SPMIP2: variants seen among roughly 807,000 people sequenced by gnomAD.
SPMIP2 encodes sperm microtubule inner protein 2.
chr4:159,068,887 G>T, the SPMIP2 span, among the ~76,000 whole-genome samples: 1 of 152,134 alleles, frequency 6.6e-6, no homozygotes, highest in East Asian at 1.9e-4. Flanking sequence ...TCTTCCACTT[G>T]AAGTAAAGTA....
the SPMIP2 span, among the ~76,000 whole-genome samples, chr4:159,029,838 C>T: frequency 0.18 from 27,563 of 152,020 alleles, 2,857 homozygotes; most frequent in African/African-American, 0.29. Flanking sequence ...TTTTTGTATC[C>T]TCCAATGCTA....
the SPMIP2 span, among the ~76,000 whole-genome samples, chr4:159,047,433 A>G: frequency 3.3e-5 from 5 of 152,210 alleles, no homozygotes; most frequent in Admixed American, 2.0e-4. Flanking sequence ...TTTAAGGGCA[A>G]AATTTATGCT....
chr4:158,981,906 C>T, the SPMIP2 span, among the ~76,000 whole-genome samples: 1 of 150,008 alleles, frequency 6.7e-6, no homozygotes, highest in Non-Finnish European at 1.5e-5. Context: ...GGGTTAAATG[C>T]CCCAATTAAA....
At chr4:159,055,764 G>A in the SPMIP2 span, among the ~76,000 whole-genome samples, 5 of 151,964 alleles carry the variant, frequency 3.3e-5, no homozygotes, top group African/African-American at 4.8e-5. Context: ...ACAAAAACAC[G>A]AAGAGTGAGG....
chr4:159,045,529 A>G, the SPMIP2 span, among the ~76,000 whole-genome samples: 1 of 152,232 alleles, frequency 6.6e-6, no homozygotes, highest in East Asian at 1.9e-4. Flanking sequence ...GCCAGCCTAA[A>G]GGAGACAGTT....
At chr4:158,915,051 T>C in the SPMIP2 span, 4 of 850,510 alleles carry the variant, frequency 4.7e-6, no homozygotes, top group Admixed American at 5.8e-5. Flanking sequence ...AATGCTTCGA[T>C]AGGTTAAAAG....
the SPMIP2 span, among the ~76,000 whole-genome samples, chr4:158,911,384 A>AATAAATAAATAAAT: frequency 1.3e-5 from 1 of 79,212 alleles, no homozygotes; most frequent in Non-Finnish European, 2.6e-5. Context: ...ATAAATAAAT[A>AATAAATAAATAAAT]AAATAAATAA....
the SPMIP2 span, among the ~76,000 whole-genome samples, chr4:158,949,555 G>A: frequency 7.4e-4 from 28 of 37,790 alleles, no homozygotes; most frequent in Non-Finnish European, 1.1e-3. Context: ...TAAAGCCATT[G>A]TACTTCATGT....
chr4:158,985,402 G>A, the SPMIP2 span, among the ~76,000 whole-genome samples: 27 of 148,538 alleles, frequency 1.8e-4, no homozygotes, highest in Non-Finnish European at 6.0e-5. Flanking sequence ...CTGGCAAACC[G>A]AATCCAGCAG....
the SPMIP2 span, among the ~76,000 whole-genome samples, chr4:158,944,004 C>G: frequency 6.6e-5 from 10 of 151,448 alleles, no homozygotes; most frequent in African/African-American, 2.2e-4. Context: ...TACAGGCGCC[C>G]GCCACCATGC....
chr4:158,961,208 A>G, the SPMIP2 span, among the ~76,000 whole-genome samples: 1 of 152,102 alleles, frequency 6.6e-6, no homozygotes, highest in Non-Finnish European at 1.5e-5. Flanking sequence ...TATTATAAAA[A>G]TTTCAACATT....
the SPMIP2 span, among the ~76,000 whole-genome samples, chr4:158,976,231 A>G: frequency 6.6e-6 from 1 of 152,196 alleles, no homozygotes; most frequent in Non-Finnish European, 1.5e-5. Context: ...TGTCATCTGC[A>G]AAGAGAGATA....
chr4:158,915,133 T>A, the SPMIP2 span: 10 of 1,562,958 alleles, frequency 6.4e-6, no homozygotes, highest in Non-Finnish European at 7.8e-6. Flanking sequence ...GCAGCCTGAC[T>A]TTTTCTATGA....
At chr4:158,977,142 A>G in the SPMIP2 span, among the ~76,000 whole-genome samples, 4 of 151,852 alleles carry the variant, frequency 2.6e-5, no homozygotes, top group Non-Finnish European at 5.9e-5. Flanking sequence ...CTCTTTTTCT[A>G]TTGTTTGGAA....
the SPMIP2 span, among the ~76,000 whole-genome samples, chr4:159,061,814 TAA>T: frequency 4.3e-5 from 6 of 138,948 alleles, no homozygotes; most frequent in Non-Finnish European, 6.2e-5. Flanking sequence ...CAGTCTCAAT[TAA>T]AAAAAAAAAA....
At chr4:158,987,109 A>G in the SPMIP2 span, among the ~76,000 whole-genome samples, 5,861 of 101,594 alleles carry the variant, frequency 0.058, 262 homozygotes, top group South Asian at 0.17. Context: ...TTAGAATAGC[A>G]ATCATTAAAA....
the SPMIP2 span, chr4:159,026,185 G>T: frequency 2.3e-6 from 1 of 442,178 alleles, no homozygotes; most frequent in South Asian, 2.1e-5. Flanking sequence ...TGATGAATAC[G>T]TGAAGGAACT....
the SPMIP2 span, among the ~76,000 whole-genome samples, chr4:159,017,356 T>TACACATACACACACACAC: frequency 9.4e-3 from 1,401 of 149,388 alleles, 10 homozygotes; most frequent in Middle Eastern, 0.045. Context: ...CACAAACACA[T>TACACATACACACACACAC]ACACACACAC....
the SPMIP2 span, among the ~76,000 whole-genome samples, chr4:159,004,549 C>A: frequency 6.6e-6 from 1 of 152,058 alleles, no homozygotes; most frequent in Non-Finnish European, 1.5e-5. Flanking sequence ...CCTTGACCTC[C>A]CAAAGTGCTG....
Sources: gnomAD v4.1 joint callset for allele counts (sites outside exome capture counted in the v4.1 genomes callset) on GRCh38, gnomAD v4.1.1 for gene constraint, MANE v1.5 for transcripts, NCBI Gene and HGNC (gene_info 2026-07-23, HGNC 2026-07-21) for gene names.